Variants in ZNF536 observed in about 807,000 individuals in gnomAD.
ZNF536 encodes zinc finger protein 536.
ZNF536 carries 13 observed loss-of-function variants against 84.5 expected under a neutral mutation model. The observed-to-expected ratio is 0.15, with a 90% CI of 0.10 to 0.24. The LOEUF (loss-of-function observed/expected upper bound fraction) is 0.24. Ranked by LOEUF, ZNF536 falls within the 10% of genes least tolerant of loss-of-function variation. The pLI, the probability that ZNF536 is intolerant of heterozygous loss-of-function variation, is 1.00. For synonymous variants in ZNF536, 811 were observed against 742.5 expected, an observed-to-expected ratio of 1.09 and a Z score of -1.50; for missense variants, 1,536 against 1,747.5, an observed-to-expected ratio of 0.88 and a Z score of 2.16.
At chr19:30,380,444 C>A in intron 1 of ZNF536, among the ~76,000 whole-genome samples, 1 of 152,142 alleles carries the variant, frequency 6.6e-6, no homozygotes, top group Non-Finnish European at 1.5e-5. Context: ...CCCGGAGAAC[C>A]CACGGCTCGG....
intron 3 of ZNF536, among the ~76,000 whole-genome samples, chr19:30,539,357 C>T (rs1051059251): frequency 6.6e-6 from 1 of 152,134 alleles, no homozygotes; most frequent in South Asian, 2.1e-4. Flanking sequence ...CTATTCATGC[C>T]TTCAACGGAT....
chr19:30,580,165 G>A (rs896959832), intron 1 of ZNF536, among the ~76,000 whole-genome samples: 48 of 152,286 alleles, frequency 3.2e-4, no homozygotes, highest in African/African-American at 1.1e-3. Flanking sequence ...TATTGGCAAT[G>A]CACCTGAGCT....
intron 1 of ZNF536, among the ~76,000 whole-genome samples, chr19:30,252,382 C>A (rs973394103): frequency 1.3e-5 from 2 of 152,222 alleles, no homozygotes; most frequent in Admixed American, 1.3e-4. Flanking sequence ...CACTCCTAGT[C>A]TCCCCAGGGG....
rs568399388 is a variant in ZNF536, at chr19:30,585,316, C to G, written c.169+35802C>G. Among the ~76,000 whole-genome samples the G allele has an allele frequency of 2.0e-5, 3 of 152,134 alleles. No homozygotes were observed. In the South Asian group the frequency reaches 6.2e-4, roughly 32 times the overall value. The stretch of plus-strand genomic sequence containing the variant: ...GGCAGCAACCAATGTATTTCTAGGT[C>G]CTGGCACAGTGCCTGGCACAGAGTA... On this transcript the variant is annotated intron_variant, in intron 1 of 1. Transcript: ENST00000592773.
chr19:30,703,726 G>A (rs2052096866), intron 1 of ZNF536, among the ~76,000 whole-genome samples: 1 of 152,160 alleles, frequency 6.6e-6, no homozygotes, highest in African/African-American at 2.4e-5. Context: ...TCAACAGCAG[G>A]ATGACAGCAG....
At chr19:30,688,336 G>A (rs1054981617) in intron 1 of ZNF536, among the ~76,000 whole-genome samples, 1 of 152,134 alleles carries the variant, frequency 6.6e-6, no homozygotes, top group African/African-American at 2.4e-5. Context: ...GAGTGTGTGC[G>A]TGAGGACTCT....
chr19:30,392,763 A>G (rs1040926598), intron 1 of ZNF536, among the ~76,000 whole-genome samples: 1 of 152,186 alleles, frequency 6.6e-6, no homozygotes. Context: ...ATTACAGTAG[A>G]AGGAAGGAGA....
intron 1 of ZNF536, among the ~76,000 whole-genome samples, chr19:30,697,842 G>C (rs572661246): frequency 6.6e-6 from 1 of 152,226 alleles, no homozygotes; most frequent in Admixed American, 6.5e-5. Context: ...CGTGTCAACA[G>C]AAGTTAAGTA....
At chr19:30,662,133 A>T (rs989542350) in intron 1 of ZNF536, among the ~76,000 whole-genome samples, 5 of 152,168 alleles carry the variant, frequency 3.3e-5, no homozygotes, top group Admixed American at 3.3e-4. Context: ...TCCTCTCTTA[A>T]TTCTGCCTCC....
chr19:30,658,295 T>A (rs2049993293), intron 1 of ZNF536, among the ~76,000 whole-genome samples: 1 of 152,118 alleles, frequency 6.6e-6, no homozygotes, highest in African/African-American at 2.4e-5. Flanking sequence ...GTGCTGGGAT[T>A]ACAGGTGTGA....
rs142978279 is a variant in ZNF536 at position 30,385,682 on chromosome 19, C to T, written c.-3+13126C>T. On this transcript the variant is annotated intron_variant, in intron 1 of 4. Transcript: ENST00000355537. ...GGCAGGACACACCTGTCCACCCCTG[C>T]GTCTTGGCTTTTATTATTCCTTCTA... Among the ~76,000 whole-genome samples, 138 of 152,346 alleles carry T rather than the reference C, an allele frequency of 9.1e-4. 2 individuals are homozygous for T. The highest frequency in any genetic ancestry group is 3.1e-3 in the African/African-American group (129 of 41,572).
intron 1 of ZNF536, among the ~76,000 whole-genome samples, chr19:30,275,272 C>T (rs1054989611): frequency 1.3e-5 from 2 of 152,172 alleles, no homozygotes; most frequent in African/African-American, 4.8e-5. Context: ...GTAGAAAATG[C>T]CTGCATCTAG....
intron 1 of ZNF536, among the ~76,000 whole-genome samples, chr19:30,704,647 CAA>C (rs970475752): frequency 1.7e-4 from 9 of 53,460 alleles, no homozygotes; most frequent in East Asian, 1.3e-3. Context: ...GAGTCCATCT[CAA>C]AAAAAAAAAA....
intron 1 of ZNF536, among the ~76,000 whole-genome samples, chr19:30,435,317 ATGG>A (rs1175109104): frequency 1.4e-5 from 2 of 145,516 alleles, no homozygotes; most frequent in Non-Finnish European, 3.0e-5. Flanking sequence ...GATGCTGGTG[ATGG>A]TGGTGATGAT....
chr19:30,460,487 G>T (rs1276778467), intron 2 of ZNF536, among the ~76,000 whole-genome samples: 1 of 152,168 alleles, frequency 6.6e-6, no homozygotes, highest in African/African-American at 2.4e-5. Flanking sequence ...ACGAGGTTCT[G>T]TCCTCTCATT....
At chr19:30,348,502 C>A (rs976958261) in intron 2 of ZNF536, among the ~76,000 whole-genome samples, 1 of 152,186 alleles carries the variant, frequency 6.6e-6, no homozygotes, top group African/African-American at 2.4e-5. Context: ...AATTTGTGGG[C>A]ACCCCTGTGG....
chr19:30,686,650 C>G (rs2051196407), intron 1 of ZNF536, among the ~76,000 whole-genome samples: 1 of 152,174 alleles, frequency 6.6e-6, no homozygotes. Flanking sequence ...AGCCCGCCGG[C>G]TCCCGCGGGC....
intron 2 of ZNF536, among the ~76,000 whole-genome samples, chr19:30,288,304 T>C (rs2045719395): frequency 6.6e-6 from 1 of 152,110 alleles, no homozygotes; most frequent in Non-Finnish European, 1.5e-5. Flanking sequence ...CTTCTGGAGA[T>C]TTTTGTGTGT....
At chr19:30,359,549 G>A (rs2048207177) in intron 3 of ZNF536, among the ~76,000 whole-genome samples, 1 of 152,076 alleles carries the variant, frequency 6.6e-6, no homozygotes, top group Non-Finnish European at 1.5e-5. Flanking sequence ...CAGTCAGGAT[G>A]CCCCTCTGCA....
Sources: gnomAD v4.1 joint callset for allele counts (sites outside exome capture counted in the v4.1 genomes callset) on GRCh38, gnomAD v4.1.1 for gene constraint, MANE v1.5 for transcripts, NCBI Gene and HGNC (gene_info 2026-07-23, HGNC 2026-07-21) for gene names.